Variants in TSPAN11 observed in about 807,000 individuals in gnomAD.
The protein encoded by TSPAN11 is tetraspanin-11.
Under a neutral mutation model 32.9 loss-of-function variants are expected in TSPAN11, and 29 were observed. The observed-to-expected ratio is 0.88, with a 90% CI of 0.66 to 1.20. TSPAN11 has a LOEUF of 1.20. Among genes scored for constraint, TSPAN11 ranks in the 50% most tolerant of loss-of-function variants. The pLI, the probability that TSPAN11 is intolerant of heterozygous loss-of-function variation, is 0.00. For synonymous variants in TSPAN11, 140 were observed against 141.3 expected (o/e 0.99, Z 0.07); for missense variants, 283 against 329.1 (o/e 0.86, Z 1.08).
chr12:30,947,229 T>C (rs1276253382), intron 1 of TSPAN11, among the ~76,000 whole-genome samples: 1 of 152,152 alleles, frequency 6.6e-6, no homozygotes, highest in Non-Finnish European at 1.5e-5. Context: ...AACAAGGTCC[T>C]AGACAGGGGA....
chr12:30,980,027 G>C (rs766686689), intron 5 of TSPAN11, among the ~76,000 whole-genome samples: 6 of 152,174 alleles, frequency 3.9e-5, no homozygotes, highest in African/African-American at 7.2e-5. Context: ...TCCTCTCCAG[G>C]CTGCTTATAT....
the TSPAN11 span, among the ~76,000 whole-genome samples, chr12:31,007,952 C>A: frequency 2.0e-5 from 3 of 152,138 alleles, no homozygotes; most frequent in Non-Finnish European, 4.4e-5. Context: ...GCTTCCACTT[C>A]CACATGGAGA....
chr12:30,936,497 A>G (rs1012622316), intron 1 of TSPAN11, among the ~76,000 whole-genome samples: 1 of 152,186 alleles, frequency 6.6e-6, no homozygotes, highest in Non-Finnish European at 1.5e-5. Context: ...ACACCCCTAC[A>G]ATGATAAATG....
At chr12:30,971,769 A>G (rs2140298192) in intron 3 of TSPAN11, among the ~76,000 whole-genome samples, 1 of 152,062 alleles carries the variant, frequency 6.6e-6, no homozygotes, top group African/African-American at 2.4e-5. Context: ...AAGAAATAAA[A>G]AGGACTCAAT....
intron 7 of TSPAN11, among the ~76,000 whole-genome samples, chr12:30,987,351 G>A (rs1456741234): frequency 6.6e-6 from 1 of 152,200 alleles, no homozygotes; most frequent in African/African-American, 2.4e-5. Flanking sequence ...CCCCAGGCCT[G>A]TAATCCCAGC....
rs1279764690 is a variant in TSPAN11 at position 30,961,977 on chromosome 12, G to C, written c.85-1849G>C. On this transcript the variant is annotated intron_variant, in intron 2 of 7. Coordinates refer to ENST00000546076, the MANE Select transcript of TSPAN11 (RefSeq NM_001370302.1). ...GAGCCGCAGATAACCTATACCCACA[G>C]ATAATTTTAAAACCTATTCTAGGAT... Among the ~76,000 whole-genome samples the C allele has an allele frequency of 2.6e-5, 4 of 152,018 alleles. 1 individual carries two copies. Among genetic ancestry groups the C allele is most frequent in the African/African-American group, 4.8e-5 (2 of 41,258 alleles).
intron 1 of TSPAN11, among the ~76,000 whole-genome samples, chr12:30,942,455 A>G (rs954644305): frequency 3.3e-5 from 5 of 152,216 alleles, no homozygotes; most frequent in Admixed American, 1.3e-4. Flanking sequence ...TGTTTGCTTC[A>G]TCACTGATTT....
At chr12:30,985,106 G>A (rs1398412384) in intron 7 of TSPAN11, among the ~76,000 whole-genome samples, 1 of 152,148 alleles carries the variant, frequency 6.6e-6, no homozygotes, top group Non-Finnish European at 1.5e-5. Context: ...GGGCCTGGAA[G>A]GTCTAGCTGC....
At position 30,993,259 on chromosome 12, in the gene TSPAN11, G is replaced by A. The variant is rs1439443191; in HGVS notation, c.*1344G>A. 1.3e-5 allele frequency: 2 copies of A among 152,242 alleles called. No homozygotes were observed. The highest frequency in any genetic ancestry group is 2.9e-5 in the Non-Finnish European group (2 of 68,096). The allele number at this position is 152,242 out of a possible 1,614,324, so 9.4% of individuals were successfully genotyped here. A position where few individuals can be genotyped will look rare whatever the true frequency, so the allele number is the denominator to read the frequency against. The stretch of plus-strand genomic sequence containing the variant: ...ATGAAGGGGGGCACCTTGTGCTAAG[G>A]CCAAGGCTGAGCGAGGTCCCAGCTC... On this transcript the variant is annotated 3_prime_UTR_variant, in exon 8 of 8. Coordinates refer to ENST00000546076, the MANE Select transcript of TSPAN11 (RefSeq NM_001370302.1).
the TSPAN11 span, among the ~76,000 whole-genome samples, chr12:31,005,003 G>A: frequency 7.2e-5 from 11 of 152,344 alleles, no homozygotes; most frequent in East Asian, 1.2e-3. Flanking sequence ...AGGACTGGCA[G>A]GACCCCTGTG....
the TSPAN11 span, among the ~76,000 whole-genome samples, chr12:31,003,206 G>A: frequency 6.6e-5 from 10 of 152,236 alleles, no homozygotes; most frequent in African/African-American, 2.2e-4. Flanking sequence ...ATCATAGTCA[G>A]GAGACACAGA....
intron 1 of TSPAN11, among the ~76,000 whole-genome samples, chr12:30,932,354 G>A (rs1171595053): frequency 1.3e-5 from 2 of 152,104 alleles, no homozygotes; most frequent in African/African-American, 4.8e-5. Flanking sequence ...AGCATTTAAC[G>A]TGTGTAGAAT....
chr12:30,947,292 C>T (rs1938288076), intron 1 of TSPAN11, among the ~76,000 whole-genome samples: 1 of 152,186 alleles, frequency 6.6e-6, no homozygotes, highest in Admixed American at 6.5e-5. Context: ...GAAATAGTAG[C>T]TCCTCCTTCA....
At chr12:30,980,221 G>T in intron 5 of TSPAN11, among the ~76,000 whole-genome samples, 1 of 152,192 alleles carries the variant, frequency 6.6e-6, no homozygotes, top group East Asian at 1.9e-4. Flanking sequence ...TCCCTCCAGG[G>T]ACACCCACTG....
rs577613199 is a variant in TSPAN11, at chr12:30,971,555, T to C, written c.277-7006T>C. Among the ~76,000 whole-genome samples the C allele has an allele frequency of 1.2e-4, 19 of 152,246 alleles. No homozygotes were observed. The East Asian group carries it at 1.7e-3, about 14-fold the overall frequency. On this transcript the variant is annotated intron_variant, in intron 3 of 7. Coordinates refer to ENST00000546076, the MANE Select transcript of TSPAN11 (RefSeq NM_001370302.1). ...AGGAGTTTGTGACCAGCCTGAGCGATATGGTGAGACCCTATCTCTACAAAT... is the reference window on the plus strand; with the variant it reads ...AGGAGTTTGTGACCAGCCTGAGCGACATGGTGAGACCCTATCTCTACAAAT...
At chr12:30,949,460 C>A (rs572049907) in intron 1 of TSPAN11, among the ~76,000 whole-genome samples, 3 of 152,086 alleles carry the variant, frequency 2.0e-5, no homozygotes, top group East Asian at 1.9e-4. Flanking sequence ...ATGGTGGCAG[C>A]AAGAGAAAAT....
intron 3 of TSPAN11, among the ~76,000 whole-genome samples, chr12:30,965,332 G>A (rs761220868): frequency 6.6e-6 from 1 of 152,176 alleles, no homozygotes; most frequent in Non-Finnish European, 1.5e-5. Flanking sequence ...ACGCCTGGAG[G>A]TCTGCCCATG....
At chr12:30,978,202 G>T (rs960671757) in intron 3 of TSPAN11, 1 of 225,746 alleles carries the variant, frequency 4.4e-6, no homozygotes, top group Admixed American at 5.2e-5. Flanking sequence ...CATTTCTAGA[G>T]CTTACCCTGT....
intron 4 of TSPAN11, chr12:30,978,859 G>A: frequency 3.6e-6 from 2 of 547,954 alleles, no homozygotes; most frequent in Non-Finnish European, 6.5e-6. Context: ...ATGGGAGCTG[G>A]GGACGGGGGC....
Sources: gnomAD v4.1 joint callset for allele counts (sites outside exome capture counted in the v4.1 genomes callset) on GRCh38, gnomAD v4.1.1 for gene constraint, MANE v1.5 for transcripts, NCBI Gene and HGNC (gene_info 2026-07-23, HGNC 2026-07-21) for gene names.